The following GRID2 variants were observed in gnomAD, a reference collection of about 807,000 sequenced individuals.
GRID2 encodes the protein glutamate ionotropic receptor delta type subunit 2.
Under a neutral mutation model 114.8 loss-of-function variants are expected in GRID2, and 33 were observed. That is an observed-to-expected ratio of 0.29 (90% CI 0.22 to 0.38). The LOEUF (loss-of-function observed/expected upper bound fraction) is 0.38. Among genes scored for constraint, GRID2 ranks in the 10% least tolerant of loss-of-function variants. GRID2 has a pLI of 1.00. For missense variants in GRID2, 1,184 were observed against 1,257.7 expected (o/e 0.94, Z 0.89); for synonymous variants, 505 against 449.9 (o/e 1.12, Z -1.55).
At chr4:93,234,171 A>T (rs939422233) in intron 7 of GRID2, among the ~76,000 whole-genome samples, 1 of 152,058 alleles carries the variant, frequency 6.6e-6, no homozygotes, top group African/African-American at 2.4e-5. Context: ...TGTCATGGGG[A>T]TTTAAAAACT....
At chr4:93,717,754 T>G (rs12331288) in intron 14 of GRID2, among the ~76,000 whole-genome samples, 9,991 of 152,232 alleles carry the variant, frequency 0.066, 351 homozygotes, top group Middle Eastern at 0.092. Flanking sequence ...ACGCCTTTTA[T>G]AGAATCAAGT....
intron 8 of GRID2, among the ~76,000 whole-genome samples, chr4:93,317,723 G>A (rs1346850207): frequency 6.6e-6 from 1 of 151,688 alleles, no homozygotes; most frequent in Non-Finnish European, 1.5e-5. Context: ...CGAGTGAGCA[G>A]AATTATATTT....
chr4:93,005,408 T>C (rs1721411541), intron 2 of GRID2, among the ~76,000 whole-genome samples: 1 of 152,052 alleles, frequency 6.6e-6, no homozygotes, highest in African/African-American at 2.4e-5. Context: ...CACATCTTTG[T>C]AGTATGTCAC....
intron 4 of GRID2, among the ~76,000 whole-genome samples, chr4:93,114,977 C>T (rs554233392): frequency 2.6e-5 from 4 of 152,070 alleles, no homozygotes; most frequent in South Asian, 4.1e-4. Context: ...GAGAGCTTAG[C>T]CAGAGTCAGA....
chr4:92,523,947 A>G (rs946112483), intron 1 of GRID2, among the ~76,000 whole-genome samples: 8 of 152,078 alleles, frequency 5.3e-5, no homozygotes, highest in African/African-American at 1.9e-4. Context: ...GGAATATAGG[A>G]AACAGGACAA....
intron 2 of GRID2, among the ~76,000 whole-genome samples, chr4:92,867,326 G>A (rs978713225): frequency 1.3e-5 from 2 of 152,150 alleles, no homozygotes; most frequent in East Asian, 3.9e-4. Flanking sequence ...CTGCAATTAA[G>A]GAAACCCTTT....
intron 2 of GRID2, among the ~76,000 whole-genome samples, chr4:93,083,834 A>G (rs1730099294): frequency 6.6e-6 from 1 of 152,058 alleles, no homozygotes; most frequent in Admixed American, 6.6e-5. Context: ...TGGTTGGCTT[A>G]GCATTAATAA....
At chr4:92,922,066 C>T (rs919716346) in intron 2 of GRID2, among the ~76,000 whole-genome samples, 19 of 152,312 alleles carry the variant, frequency 1.2e-4, no homozygotes, top group Non-Finnish European at 2.4e-4. Flanking sequence ...CTCCCTCAGC[C>T]TTGCTGCTGC....
chr4:92,537,821 G>GTGTGTA (rs1725729194), intron 1 of GRID2, among the ~76,000 whole-genome samples: 1 of 149,110 alleles, frequency 6.7e-6, no homozygotes, highest in African/African-American at 2.5e-5. Context: ...GTGTGTGTGT[G>GTGTGTA]TGTGTGTGTC....
chr4:93,763,193 G>A (rs1002041013), intron 14 of GRID2, among the ~76,000 whole-genome samples: 1 of 152,060 alleles, frequency 6.6e-6, no homozygotes, highest in Admixed American at 6.6e-5. Context: ...ATATAATGCT[G>A]TCCTCCATAA....
At chr4:92,522,643 C>G (rs1164641143) in intron 1 of GRID2, among the ~76,000 whole-genome samples, 1 of 151,870 alleles carries the variant, frequency 6.6e-6, no homozygotes, top group South Asian at 2.1e-4. Context: ...ATTTATATGA[C>G]TGTTAGGTAG....
chr4:93,190,463 C>G (rs1304911538), intron 4 of GRID2, among the ~76,000 whole-genome samples: 2 of 152,086 alleles, frequency 1.3e-5, no homozygotes, highest in African/African-American at 4.8e-5. Context: ...TTTGGTGAAC[C>G]ACCTGACAAT....
At chr4:92,675,655 A>G (rs1319691401) in intron 2 of GRID2, among the ~76,000 whole-genome samples, 1 of 151,316 alleles carries the variant, frequency 6.6e-6, no homozygotes, top group African/African-American at 2.4e-5. Flanking sequence ...GGGTCATGCA[A>G]TTCTCCTGCT....
intron 2 of GRID2, among the ~76,000 whole-genome samples, chr4:92,824,755 A>T (rs915650069): frequency 1.3e-5 from 2 of 152,070 alleles, no homozygotes; most frequent in African/African-American, 4.8e-5. Context: ...AAGAATTTGG[A>T]TTGACTAAGA....
At chr4:92,373,497 T>C (rs1729213151) in intron 1 of GRID2, among the ~76,000 whole-genome samples, 1 of 152,324 alleles carries the variant, frequency 6.6e-6, no homozygotes, top group African/African-American at 2.4e-5. Context: ...TGTGAGGGGC[T>C]TTTTCTCTTT....
intron 13 of GRID2, among the ~76,000 whole-genome samples, chr4:93,591,641 C>T (rs1738322482): frequency 6.6e-6 from 1 of 151,746 alleles, no homozygotes. Flanking sequence ...GTACCAGTTC[C>T]TCCTTGTACC....
intron 2 of GRID2, among the ~76,000 whole-genome samples, chr4:92,895,406 A>ATATATATATATATATAT (rs1393247374): frequency 2.3e-5 from 1 of 44,218 alleles, no homozygotes; most frequent in Non-Finnish European, 3.9e-5. Context: ...TATATATATA[A>ATATATATATATATATAT]ACTGAAAGAT....
At chr4:92,404,720 G>A (rs751318394) in intron 1 of GRID2, among the ~76,000 whole-genome samples, 1 of 152,066 alleles carries the variant, frequency 6.6e-6, no homozygotes, top group South Asian at 2.1e-4. Context: ...ACAAGATCAT[G>A]TCCTTTGCAG....
chr4:92,895,405 A>ATATATATATATATATATAT (rs1560677408), intron 2 of GRID2, among the ~76,000 whole-genome samples: 79 of 145,980 alleles, frequency 5.4e-4, no homozygotes, highest in Middle Eastern at 3.6e-3. Context: ...ATATATATAT[A>ATATATATATATATATATAT]AACTGAAAGA....
Sources: allele counts gnomAD v4.1 joint callset (sites outside exome capture counted in the v4.1 genomes callset), GRCh38; gene constraint gnomAD v4.1.1; transcripts MANE v1.5; gene names NCBI Gene and HGNC (gene_info 2026-07-23, HGNC 2026-07-21).